DLGAP1: variants seen among roughly 807,000 people sequenced by gnomAD.
DLGAP1 encodes DLG associated protein 1.
DLGAP1 carries 11 observed loss-of-function variants against 90.8 expected under a neutral mutation model. That is an observed-to-expected ratio of 0.12 (90% confidence interval 0.08 to 0.20). The LOEUF (loss-of-function observed/expected upper bound fraction) is 0.20. DLGAP1 is among the 10% of genes least tolerant of loss of function. DLGAP1 has a pLI of 1.00. For missense variants in DLGAP1, 1,050 were observed against 1,333.8 expected (o/e 0.79, Z 3.31); for synonymous variants, 558 against 540.7 (o/e 1.03, Z -0.44).
At chr18:3,898,349 G>A (rs1308540062) in intron 3 of DLGAP1, among the ~76,000 whole-genome samples, 1 of 152,060 alleles carries the variant, frequency 6.6e-6, no homozygotes, top group Non-Finnish European at 1.5e-5. Flanking sequence ...CCTGTCCTAG[G>A]CATCTTATAT....
At chr18:3,772,346 CTCTTTCTTTCTTTCTT>C (rs869167707) in intron 5 of DLGAP1, among the ~76,000 whole-genome samples, 346 of 14,218 alleles carry the variant, frequency 0.024, 9 homozygotes, top group African/African-American at 0.065. Context: ...CTCTCTCTCT[CTCTTTCTTTCTTTCTT>C]TCTTTCTTTC....
At chr18:4,253,876 T>G (rs549709317) in intron 1 of DLGAP1, among the ~76,000 whole-genome samples, 1 of 152,240 alleles carries the variant, frequency 6.6e-6, no homozygotes, top group South Asian at 2.1e-4. Context: ...TTCCAGTGAT[T>G]CCCTGATTTA....
intron 11 of DLGAP1, among the ~76,000 whole-genome samples, chr18:3,505,596 C>T (rs2050171224): frequency 6.7e-6 from 1 of 148,572 alleles, no homozygotes. Flanking sequence ...TGAGTTTGCG[C>T]CACTGCACTC....
Position 3,997,043 on chromosome 18 carries a change from TTC to T in DLGAP1, c.-73+8071_-73+8072del, listed in dbSNP as rs1471120791. Among the ~76,000 whole-genome samples the T allele has an allele frequency of 7.0e-5, 8 of 114,464 alleles. 1 individual carries two copies. The highest frequency in any genetic ancestry group is 2.8e-4 in the Admixed American group (3 of 10,760). 75.1% of individuals were successfully genotyped at this position (114,464 alleles called of 152,430 possible). On this transcript the variant is annotated intron_variant, in intron 3 of 12. Coordinates refer to ENST00000315677, the MANE Select transcript of DLGAP1 (RefSeq NM_004746.4). ...TTGCAGAGTTTTCTTTTTTTTTTTT[TTC>T]ATATTTTAAAATAAGCTTTATTTAG...
At chr18:4,371,830 C>G (rs577980182) in intron 1 of DLGAP1, among the ~76,000 whole-genome samples, 3 of 152,202 alleles carry the variant, frequency 2.0e-5, no homozygotes, top group Non-Finnish European at 2.9e-5. Context: ...AGTACTTAAT[C>G]CTGTCCCATC....
At chr18:4,138,939 G>A (rs1405606525) in intron 2 of DLGAP1, among the ~76,000 whole-genome samples, 2 of 151,990 alleles carry the variant, frequency 1.3e-5, no homozygotes, top group African/African-American at 4.8e-5. Context: ...GTTGCTCATA[G>A]TAGTCTCTAA....
At chr18:3,535,704 T>A (rs1428901853) in intron 9 of DLGAP1, among the ~76,000 whole-genome samples, 29 of 136,022 alleles carry the variant, frequency 2.1e-4, no homozygotes, top group African/African-American at 7.2e-4. Context: ...TGAGATTCTG[T>A]CTCAAAAAAA....
At chr18:3,842,680 T>C (rs1419355275) in intron 4 of DLGAP1, among the ~76,000 whole-genome samples, 1 of 151,856 alleles carries the variant, frequency 6.6e-6, no homozygotes, top group Non-Finnish European at 1.5e-5. Context: ...GGTATCAAGA[T>C]TGGCCCCATG....
At chr18:3,817,077 T>C (rs939930064) in intron 4 of DLGAP1, among the ~76,000 whole-genome samples, 6 of 151,028 alleles carry the variant, frequency 4.0e-5, no homozygotes, top group East Asian at 1.9e-4. Context: ...AGCCTCATTA[T>C]AGGTTTAGCA....
At chr18:4,427,871 T>C (rs1323218667) in intron 1 of DLGAP1, among the ~76,000 whole-genome samples, 1 of 152,218 alleles carries the variant, frequency 6.6e-6, no homozygotes, top group Non-Finnish European at 1.5e-5. Context: ...AAATAATGCT[T>C]AAAGTGACCT....
At chr18:4,144,439 C>G (rs550171130) in intron 2 of DLGAP1, among the ~76,000 whole-genome samples, 5 of 152,186 alleles carry the variant, frequency 3.3e-5, no homozygotes, top group African/African-American at 2.4e-5. Context: ...TCTCCCTCCC[C>G]CCAGGCACAC....
At chr18:3,818,392 C>T (rs896729527) in intron 4 of DLGAP1, among the ~76,000 whole-genome samples, 16 of 124,286 alleles carry the variant, frequency 1.3e-4, no homozygotes, top group Admixed American at 2.1e-4. Context: ...CAGGGTCTTG[C>T]TCTGTTGCCT....
At chr18:3,932,442 G>A (rs1010578078) in intron 3 of DLGAP1, among the ~76,000 whole-genome samples, 2 of 152,222 alleles carry the variant, frequency 1.3e-5, no homozygotes, top group Admixed American at 6.5e-5. Context: ...GTGCCAGAAT[G>A]AAGCTGTGAT....
At chr18:3,668,662 C>T (rs1354546173) in intron 7 of DLGAP1, among the ~76,000 whole-genome samples, 1 of 152,150 alleles carries the variant, frequency 6.6e-6, no homozygotes, top group Non-Finnish European at 1.5e-5. Flanking sequence ...AAGCTATCCT[C>T]AGTCGAAGCA....
chr18:3,797,983 C>A (rs924568049), intron 5 of DLGAP1, among the ~76,000 whole-genome samples: 1 of 152,180 alleles, frequency 6.6e-6, no homozygotes, highest in African/African-American at 2.4e-5. Flanking sequence ...ACCCCTATCG[C>A]TTGGCTCTCA....
rs1457704736 is a variant in DLGAP1, at chr18:3,775,406, C to G, written c.1173-32894G>C. 6.6e-6 allele frequency among the ~76,000 whole-genome samples: 1 copy of G among 152,162 alleles called. No individual in the cohort carries two copies. The highest frequency in any genetic ancestry group is 1.5e-5 in the Non-Finnish European group (1 of 68,040). The stretch of plus-strand genomic sequence containing the variant: ...TCTCTTGATAGAGTTCTCAAGAGAT[C>G]TGGTTGTTTGAATGCGTATAGCACT... On this transcript the variant is annotated intron_variant, in intron 5 of 12. Coordinates refer to ENST00000315677, the MANE Select transcript of DLGAP1 (RefSeq NM_004746.4). This position sits in a 1 kb window ranked among gnomAD's most constrained non-coding sequence, Gnocchi z 4.9.
At chr18:3,741,323 A>AC (rs1378323231) in intron 6 of DLGAP1, among the ~76,000 whole-genome samples, 1 of 114,494 alleles carries the variant, frequency 8.7e-6, no homozygotes, top group Admixed American at 8.8e-5. Context: ...CACCACCACC[A>AC]CCACCATCAC....
chr18:4,429,504 A>G (rs1372433970), intron 1 of DLGAP1, among the ~76,000 whole-genome samples: 2 of 152,238 alleles, frequency 1.3e-5, no homozygotes, highest in Non-Finnish European at 2.9e-5. Context: ...TGGACTCCAA[A>G]TCACAATAAA....
intron 1 of DLGAP1, among the ~76,000 whole-genome samples, chr18:4,432,997 C>T (rs1211482753): frequency 6.6e-6 from 1 of 152,130 alleles, no homozygotes; most frequent in Non-Finnish European, 1.5e-5. Context: ...AGTTCTGCCA[C>T]CCTAGGATAT....
Sources: gnomAD v4.1 joint callset for allele counts (sites outside exome capture counted in the v4.1 genomes callset) on GRCh38, gnomAD v4.1.1 for gene constraint, Gnocchi (gnomAD v3.1) non-coding constraint, MANE v1.5 for transcripts, NCBI Gene and HGNC (gene_info 2026-07-23, HGNC 2026-07-21) for gene names.